SHISA9: variants seen among roughly 807,000 people sequenced by gnomAD.
SHISA9 encodes protein shisa-9.
A neutral mutation model predicts 38.0 loss-of-function variants in SHISA9; 13 were observed. The ratio of observed to expected loss-of-function variants is 0.34; its 90% CI spans 0.22 to 0.54. The LOEUF (loss-of-function observed/expected upper bound fraction) is 0.54, where lower values mean the gene tolerates loss of function less well. Among genes scored for constraint, SHISA9 ranks in the 20% least tolerant of loss-of-function variants. The probability of loss-of-function intolerance (pLI) is 0.91; values close to 1 mark genes in which losing one functional copy is unlikely to be tolerated. For missense variants in SHISA9, 538 were observed against 575.8 expected, an observed-to-expected ratio of 0.93 and a Z score of 0.67; for synonymous variants, 275 against 242.0, an observed-to-expected ratio of 1.14 and a Z score of -1.27.
At chr16:13,421,918 C>T in the SHISA9 span, among the ~76,000 whole-genome samples, 5 of 152,188 alleles carry the variant, frequency 3.3e-5, no homozygotes, top group Admixed American at 6.5e-5. Flanking sequence ...GGAGGAGATG[C>T]TAACTCCCTG....
intron 2 of SHISA9, among the ~76,000 whole-genome samples, chr16:13,019,199 C>T (rs1226557584): frequency 6.6e-6 from 1 of 152,088 alleles, no homozygotes; most frequent in Non-Finnish European, 1.5e-5. Flanking sequence ...GGGGTTTCAC[C>T]ATGTTGGCCA....
At chr16:13,125,145 A>T (rs988818381) in intron 2 of SHISA9, among the ~76,000 whole-genome samples, 1 of 152,258 alleles carries the variant, frequency 6.6e-6, no homozygotes, top group Non-Finnish European at 1.5e-5. Flanking sequence ...AAGCTTCTGC[A>T]TAACAAAGGA....
chr16:13,059,229 G>T (rs963598010), intron 2 of SHISA9, among the ~76,000 whole-genome samples: 1 of 145,504 alleles, frequency 6.9e-6, no homozygotes, highest in East Asian at 2.1e-4. Flanking sequence ...CCGGGTTCAT[G>T]CCATTCTCTT....
chr16:13,259,404 A>C, the SHISA9 span, among the ~76,000 whole-genome samples: 2 of 152,194 alleles, frequency 1.3e-5, no homozygotes, highest in Admixed American at 6.5e-5. Flanking sequence ...GCAAGGTGTC[A>C]GTGGATCTAC....
the SHISA9 span, among the ~76,000 whole-genome samples, chr16:13,358,026 G>C: frequency 0.04 from 6,070 of 152,214 alleles, 240 homozygotes; most frequent in African/African-American, 0.1. Flanking sequence ...GGTCACAGGG[G>C]ATGTGATGGC....
chr16:13,358,110 C>T, the SHISA9 span, among the ~76,000 whole-genome samples: 1 of 152,126 alleles, frequency 6.6e-6, no homozygotes, highest in Non-Finnish European at 1.5e-5. Flanking sequence ...GAGAATCTTC[C>T]TTCATCCAGC....
chr16:13,279,545 T>C, the SHISA9 span, among the ~76,000 whole-genome samples: 1 of 151,950 alleles, frequency 6.6e-6, no homozygotes, highest in Non-Finnish European at 1.5e-5. Flanking sequence ...TCCTCTCAAA[T>C]TTATTGAGAC....
intron 4 of SHISA9, among the ~76,000 whole-genome samples, chr16:13,217,599 A>T (rs1001492799): frequency 6.6e-6 from 1 of 152,172 alleles, no homozygotes; most frequent in African/African-American, 2.4e-5. Flanking sequence ...TACTCTCTGT[A>T]GGTTTTGCAC....
At position 12,989,298 on chromosome 16, in the gene SHISA9, C is replaced by G. The variant is rs553352660; in HGVS notation, c.691+72483C>G. 9.0e-4 allele frequency among the ~76,000 whole-genome samples: 137 copies of G among 152,072 alleles called. 2 individuals carry two copies. The highest frequency in any genetic ancestry group is 9.0e-4 in the Non-Finnish European group (61 of 68,020). Reference sequence around the variant, plus strand: ...GTTCAAGTGATTCTCCTGCCTCAGCCTCCTGAGTAGCTGGGATTACAGGTG... The same window carrying G: ...GTTCAAGTGATTCTCCTGCCTCAGCGTCCTGAGTAGCTGGGATTACAGGTG... On this transcript the variant is annotated intron_variant, in intron 2 of 4. Coordinates refer to ENST00000558583, the MANE Select transcript of SHISA9 (RefSeq NM_001145204.3).
intron 2 of SHISA9, among the ~76,000 whole-genome samples, chr16:12,973,478 A>C (rs1216866580): frequency 6.6e-6 from 1 of 152,210 alleles, no homozygotes; most frequent in Non-Finnish European, 1.5e-5. Flanking sequence ...CAGTCACTGG[A>C]TGAGTGAAAC....
At chr16:13,541,423 G>A in the SHISA9 span, among the ~76,000 whole-genome samples, 3 of 152,132 alleles carry the variant, frequency 2.0e-5, no homozygotes, top group African/African-American at 7.2e-5. Flanking sequence ...CCCCGCCTTT[G>A]CCTGAACCCA....
Position 12,902,379 on chromosome 16 carries a change from G to C in SHISA9, c.315G>C (p.Arg105=). The change falls in exon 1 of 5, where the codon CGG becomes CGC. Residue 105 remains arginine, a synonymous_variant. Transcript: ENST00000558583. ...FIFCCGTCGF[R]FCCTFKKRRL... is the part of the protein sequence containing the mutation. ...TCTGCTGCGGGACTTGTGGCTTCCG[G>C]TTCTGCTGCACGTTTAAGAAGCGGC... 6.4e-7 allele frequency: 1 copy of C among 1,551,308 alleles called. No homozygotes were observed. The highest frequency in any genetic ancestry group is 8.7e-7 in the Non-Finnish European group (1 of 1,146,982).
the SHISA9 span, among the ~76,000 whole-genome samples, chr16:13,422,799 A>C: frequency 6.6e-6 from 1 of 152,162 alleles, no homozygotes; most frequent in Non-Finnish European, 1.5e-5. Flanking sequence ...TGATCCTGTA[A>C]TTTTCATGAC....
chr16:13,002,944 A>C (rs936905842), intron 2 of SHISA9, among the ~76,000 whole-genome samples: 1 of 152,204 alleles, frequency 6.6e-6, no homozygotes, highest in East Asian at 1.9e-4. Flanking sequence ...GAATTAATGC[A>C]TCTAAGAGGG....
chr16:13,441,156 C>T, the SHISA9 span, among the ~76,000 whole-genome samples: 4 of 152,138 alleles, frequency 2.6e-5, no homozygotes, highest in Admixed American at 6.5e-5. Flanking sequence ...GCAAACTGTG[C>T]TTAGAACTCC....
intron 2 of SHISA9, among the ~76,000 whole-genome samples, chr16:13,057,979 T>G (rs996623134): frequency 6.6e-6 from 1 of 152,168 alleles, no homozygotes; most frequent in Non-Finnish European, 1.5e-5. Context: ...AAGGACATGA[T>G]CTCGTTCCTT....
At chr16:12,991,035 G>T (rs917068158) in intron 2 of SHISA9, among the ~76,000 whole-genome samples, 9 of 152,166 alleles carry the variant, frequency 5.9e-5, no homozygotes, top group African/African-American at 2.2e-4. Context: ...TTGCTAGCAT[G>T]AAAAATTATT....
At chr16:12,989,040 G>A (rs898004988) in intron 2 of SHISA9, among the ~76,000 whole-genome samples, 5 of 152,086 alleles carry the variant, frequency 3.3e-5, no homozygotes, top group Non-Finnish European at 7.3e-5. Flanking sequence ...CAGAAGATGA[G>A]GTAAGAGCTA....
At chr16:13,148,633 C>G (rs1239151523) in intron 2 of SHISA9, among the ~76,000 whole-genome samples, 2 of 151,684 alleles carry the variant, frequency 1.3e-5, no homozygotes, top group Non-Finnish European at 1.5e-5. Context: ...CATAGACACA[C>G]ACATTCTCAT....
Sources: gnomAD v4.1 joint callset for allele counts (sites outside exome capture counted in the v4.1 genomes callset) on GRCh38, gnomAD v4.1.1 for gene constraint, MANE v1.5 for transcripts, NCBI Gene and HGNC (gene_info 2026-07-23, HGNC 2026-07-21) for gene names.